The following PLG variants were observed in gnomAD, a reference collection of about 807,000 sequenced individuals.
PLG encodes plasminogen.
PLG carries 41 observed loss-of-function variants against 104.4 expected under a neutral mutation model. That is an observed-to-expected ratio of 0.39 (90% CI 0.31 to 0.51). The LOEUF is 0.51. PLG is among the 20% of genes least tolerant of loss of function. PLG has a pLI of 0.76. For synonymous variants in PLG, 337 were observed against 357.1 expected, an observed-to-expected ratio of 0.94 and a Z score of 0.63; for missense variants, 891 against 1,003.6, an observed-to-expected ratio of 0.89 and a Z score of 1.52.
chr6:160,706,526 G>A lies in PLG; in HGVS notation c.169G>A (p.Glu57Lys), dbSNP rs4252070. The A allele has an allele frequency of 2.7e-3, 4,286 of 1,613,808 alleles. 96 individuals carry two copies. The African/African-American group carries it at 0.047, about 18-fold the overall frequency. Residue 57 changes from glutamate (E) to lysine (K), a missense_variant, in exon 2 of 19, where the codon GAA becomes AAA. Glu to Lys is a moderately conservative substitution (Grantham distance 56). Transcript: ENST00000308192. ...ATGTGCAGCAAAATGTGAGGAGGAC[G>A]AAGAATTCACCTGCAGGTATTTCCA... ...EECAAKCEED[E>K]EFTCRAFQYH...
At chr6:160,750,298 G>A (rs1778381448) in intron 17 of PLG, among the ~76,000 whole-genome samples, 1 of 152,150 alleles carries the variant, frequency 6.6e-6, no homozygotes, top group African/African-American at 2.4e-5. Context: ...CCCCATCGGG[G>A]AGGGCTTCAA....
Position 160,707,805 on chromosome 6 carries a change from A to T in PLG, c.291A>T (p.Lys97Asn). The part of the protein sequence containing the change: ...RMRDVVLFEK[K>N]VYLSECKTGN... ...GAGATGTAGTTTTATTTGAAAAGAA[A>T]GGTGAGTACATTTTCTTCCTCCTCC... Residue 97 changes from lysine to asparagine, a missense_variant and splice_region_variant, in exon 3 of 19, where the codon AAA (lysine) becomes AAT (asparagine). Transcript: ENST00000308192. 2.5e-6 allele frequency: 4 copies of T among 1,608,616 alleles called. No homozygotes were observed. The highest frequency in any genetic ancestry group is 3.4e-6 in the Non-Finnish European group (4 of 1,176,828).
Position 160,724,265 on chromosome 6 carries a change from A to G in PLG, c.1256+1698A>G, listed in dbSNP as rs58184095. ...AAGAAACAAATGGATAATATCAAAA[A>G]AGAAAAATTATAAAATAACCAAATA... On this transcript the variant is annotated intron_variant, in intron 10 of 18. Coordinates refer to ENST00000308192, the MANE Select transcript of PLG (RefSeq NM_000301.5). This position sits in a 1 kb window ranked among gnomAD's most constrained non-coding sequence, Gnocchi z 5.0. Among the ~76,000 whole-genome samples the G allele has an allele frequency of 0.086, 13,138 of 152,194 alleles. 1,490 individuals carry two copies. The highest frequency in any genetic ancestry group is 0.28 in the Middle Eastern group (81 of 294).
chr6:160,749,536 C>CCAT (rs567569444), intron 17 of PLG, among the ~76,000 whole-genome samples: 1 of 147,968 alleles, frequency 6.8e-6, no homozygotes, highest in East Asian at 2.1e-4. Flanking sequence ...ATCACCATCA[C>CCAT]CATCATCACC....
chr6:160,707,545 G>A lies in PLG; in HGVS notation c.186-155G>A, dbSNP rs556343332. On this transcript the variant is annotated intron_variant, in intron 2 of 18. Coordinates refer to ENST00000308192, the MANE Select transcript of PLG (RefSeq NM_000301.5). ...GGTGTATTTTGTTCAGTACTTCATC[G>A]ATGCCATGCCCAAATAACTGAAAGA... Among the ~76,000 whole-genome samples, 11 of 152,258 alleles carry A rather than the reference G, an allele frequency of 7.2e-5. No individual in the cohort carries two copies. In the East Asian group the frequency reaches 7.7e-4, roughly 11 times the overall value.
At chr6:160,733,307 C>T (rs544410799) in intron 12 of PLG, among the ~76,000 whole-genome samples, 2 of 152,270 alleles carry the variant, frequency 1.3e-5, no homozygotes, top group East Asian at 1.9e-4. Context: ...GGTAGGAGAG[C>T]GCTGAGCCCT....
In PLG at chr6:160,734,228, A is replaced by C; in HGVS notation, c.1681+140A>C. 1 of 623,344 alleles carries C rather than the reference A, an allele frequency of 1.6e-6. No homozygotes were observed. Among genetic ancestry groups the C allele is most frequent in the Non-Finnish European group, 3.0e-6 (1 of 330,196 alleles). The allele number at this position is 623,344 out of a possible 1,614,324, so 38.6% of individuals were successfully genotyped here. ...TCAGACCCCACTCTTCATCATGGGCATCTTGAATCTGCCCTACTATTGGCC... is the reference window on the plus strand; with the variant it reads ...TCAGACCCCACTCTTCATCATGGGCCTCTTGAATCTGCCCTACTATTGGCC... On this transcript the variant is annotated intron_variant, in intron 13 of 18. Transcript: ENST00000308192. The surrounding 1 kb of genome is among the most constrained non-coding windows in gnomAD (Gnocchi z 4.4).
At chr6:160,705,410 C>T (rs1024235771) in intron 1 of PLG, 4 of 152,158 alleles carry the variant, frequency 2.6e-5, no homozygotes, top group African/African-American at 9.7e-5. Context: ...CAAAGAAAAA[C>T]CAAGACCAGT....
chr6:160,704,576 G>T (rs1055154283), intron 1 of PLG, among the ~76,000 whole-genome samples: 9 of 152,310 alleles, frequency 5.9e-5, no homozygotes, highest in African/African-American at 1.9e-4. Flanking sequence ...GTTCAAGTTG[G>T]CAGAAAGTGC....
intron 9 of PLG, among the ~76,000 whole-genome samples, chr6:160,720,369 A>T: frequency 7.2e-6 from 1 of 139,450 alleles, no homozygotes; most frequent in Non-Finnish European, 1.6e-5. Flanking sequence ...CTAGATTTGT[A>T]GATTGTTGAT....
At position 160,752,338 on chromosome 6, in the gene PLG, G is replaced by C; in HGVS notation, c.2271+78G>C. On this transcript the variant is annotated intron_variant, in intron 18 of 18. Coordinates refer to ENST00000308192, the MANE Select transcript of PLG (RefSeq NM_000301.5). This position sits in a 1 kb window ranked among gnomAD's most constrained non-coding sequence, Gnocchi z 4.7. ...TCAGCCCCTCAGACTTCATTCCCCA[G>C]GTGGCAAATTCAAGGATTTTCAACC... The C allele has an allele frequency of 2.9e-6, 4 of 1,379,484 alleles. No individual in the cohort carries two copies. The highest frequency in any genetic ancestry group is 4.1e-6 in the Non-Finnish European group (4 of 969,132). 85.5% of individuals were successfully genotyped at this position (1,379,484 alleles called of 1,614,324 possible). A position where few individuals can be genotyped will look rare whatever the true frequency, so the allele number is the denominator to read the frequency against.
intron 2 of PLG, among the ~76,000 whole-genome samples, chr6:160,707,139 G>A (rs374428431): frequency 1.7e-4 from 26 of 152,158 alleles, no homozygotes; most frequent in Middle Eastern, 3.4e-3. Context: ...GGGAAGATGC[G>A]GCCCTGCACC....
Position 160,735,710 on chromosome 6 carries a change from AAAT to A in PLG, c.1682-1168_1682-1166del, listed in dbSNP as rs1464692889. ...TCCTTTCCACCAACATATACAGTAC[AAAT>A]AATAATAAGCAAAAATAAATAGAAA... On this transcript the variant is annotated intron_variant, in intron 13 of 18. Coordinates refer to ENST00000308192, the MANE Select transcript of PLG (RefSeq NM_000301.5). The surrounding 1 kb of genome is among the most constrained non-coding windows in gnomAD (Gnocchi z 5.4). Among the ~76,000 whole-genome samples, 5 of 152,332 alleles carry A rather than the reference AAAT, an allele frequency of 3.3e-5. No homozygotes were observed. The highest frequency in any genetic ancestry group is 1.2e-4 in the African/African-American group (5 of 41,574).
rs142661604 is a variant in PLG at position 160,709,644 on chromosome 6, T to C, written c.293-1433T>C. Among the ~76,000 whole-genome samples, 337 of 152,302 alleles carry C rather than the reference T, an allele frequency of 2.2e-3. 3 individuals are homozygous for C. The highest frequency in any genetic ancestry group is 4.1e-3 in the Admixed American group (62 of 15,304). On this transcript the variant is annotated intron_variant, in intron 3 of 18. Coordinates refer to ENST00000308192, the MANE Select transcript of PLG (RefSeq NM_000301.5). ...TCCTTCTTATCTCCTAGGTGTCAGCTCAATCATCATGTCCTTTGCAAATCT... is the reference window on the plus strand; with the variant it reads ...TCCTTCTTATCTCCTAGGTGTCAGCCCAATCATCATGTCCTTTGCAAATCT...
At position 160,753,498 on chromosome 6, in the gene PLG, CT is replaced by C. The variant is rs1256178111; in HGVS notation, c.*438del. 6.6e-6 allele frequency among the ~76,000 whole-genome samples: 1 copy of C among 152,336 alleles called. No individual in the cohort carries two copies. The highest frequency in any genetic ancestry group is 6.5e-5 in the Admixed American group (1 of 15,298). ...AACGAGGGCTTGACATGCATTTTTA[CT>C]GTCTTTATTCCTGACACTGAGATGA... On this transcript the variant is annotated 3_prime_UTR_variant, in exon 19 of 19. Coordinates refer to ENST00000308192, the MANE Select transcript of PLG (RefSeq NM_000301.5). This position sits in a 1 kb window ranked among gnomAD's most constrained non-coding sequence, Gnocchi z 5.4.
At chr6:160,715,184 C>T (rs560665754) in intron 6 of PLG, among the ~76,000 whole-genome samples, 1 of 152,330 alleles carries the variant, frequency 6.6e-6, no homozygotes, top group East Asian at 1.9e-4. Flanking sequence ...TGAATAATAA[C>T]CAGATCCTCA....
At position 160,723,906 on chromosome 6, in the gene PLG, A is replaced by G. The variant is rs79459424; in HGVS notation, c.1256+1339A>G. ...TTGGGAGTAGGATTAGTGTATTCCTATAATAAAGGCCACTCCAGAAACAGC... is the reference window on the plus strand; with the variant it reads ...TTGGGAGTAGGATTAGTGTATTCCTGTAATAAAGGCCACTCCAGAAACAGC... On this transcript the variant is annotated intron_variant, in intron 10 of 18. Coordinates refer to ENST00000308192, the MANE Select transcript of PLG (RefSeq NM_000301.5). This position sits in a 1 kb window ranked among gnomAD's most constrained non-coding sequence, Gnocchi z 4.7. Among the ~76,000 whole-genome samples the G allele has an allele frequency of 8.8e-3, 1,338 of 152,308 alleles. 22 individuals are homozygous for G. The highest frequency in any genetic ancestry group is 0.031 in the African/African-American group (1,275 of 41,568).
At chr6:160,722,588 G>C (rs370893923) in intron 10 of PLG, 21 bp downstream of exon 10, 301 of 1,608,832 alleles carry the variant, frequency 1.9e-4, no homozygotes, top group Middle Eastern at 3.4e-4. Flanking sequence ...GATTTTTACT[G>C]TAAGAGGGGC....
At position 160,737,121 on chromosome 6, in the gene PLG, T is replaced by C; in HGVS notation, c.1802+114T>C. On this transcript the variant is annotated intron_variant, in intron 14 of 18. Transcript: ENST00000308192. This position sits in a 1 kb window ranked among gnomAD's most constrained non-coding sequence, Gnocchi z 4.7. The stretch of plus-strand genomic sequence containing the variant: ...AGGCATCAGCACCTGCCTCTAAGTT[T>C]TCTGAAGGAGGAAAAAAGCTACAAA... The C allele has an allele frequency of 7.4e-7, 1 of 1,347,578 alleles. No homozygotes were observed. Among genetic ancestry groups the C allele is most frequent in the Admixed American group, 2.1e-5 (1 of 46,914 alleles). 83.5% of individuals were successfully genotyped at this position (1,347,578 alleles called of 1,614,324 possible).
Sources: gnomAD v4.1 joint callset for allele counts (sites outside exome capture counted in the v4.1 genomes callset) on GRCh38, gnomAD v4.1.1 for gene constraint, Gnocchi (gnomAD v3.1) non-coding constraint, MANE v1.5 for transcripts, NCBI Gene and HGNC (gene_info 2026-07-23, HGNC 2026-07-21) for gene names.